The following DYNLL2 variants were observed in gnomAD, a reference collection of about 807,000 sequenced individuals.
The protein encoded by DYNLL2 is dynein light chain LC8-type 2, also known as dynein light chain 2, cytoplasmic.
Under a neutral mutation model 9.7 loss-of-function variants are expected in DYNLL2, and 1 was observed. The ratio of observed to expected loss-of-function variants is 0.10; its 90% CI spans 0.04 to 0.49. The LOEUF (loss-of-function observed/expected upper bound fraction) is 0.49. Ranked by LOEUF, DYNLL2 falls within the 20% of genes least tolerant of loss-of-function variation. The pLI, the probability that DYNLL2 is intolerant of heterozygous loss-of-function variation, is 0.95. For synonymous variants in DYNLL2, 35 were observed against 40.5 expected (o/e 0.86, Z 0.52); for missense variants, 37 against 115.2 (o/e 0.32, Z 3.11).
chr17:58,091,962 A>G lies in DYNLL2; in HGVS notation c.*2683A>G, dbSNP rs1223610314. 1 of 152,246 alleles carries G rather than the reference A, an allele frequency of 6.6e-6. No homozygotes were observed. Among genetic ancestry groups the G allele is most frequent in the African/African-American group, 2.4e-5 (1 of 41,460 alleles). 9.4% of individuals were successfully genotyped at this position (152,246 alleles called of 1,614,324 possible). A position where few individuals can be genotyped will look rare whatever the true frequency, so the allele number is the denominator to read the frequency against. ...TGAGACAAGTAAGTTCTAGGCTTCT[A>G]TGACATACACATTCTTATGTGTAGA... is the stretch of plus-strand genomic sequence containing the variant. On this transcript the variant is annotated 3_prime_UTR_variant, in exon 3 of 3. Coordinates refer to ENST00000579991, the MANE Select transcript of DYNLL2 (RefSeq NM_080677.3).
chr17:58,084,576 C>G (rs868682059), intron 1 of DYNLL2, among the ~76,000 whole-genome samples: 1 of 152,098 alleles, frequency 6.6e-6, no homozygotes, highest in African/African-American at 2.4e-5. Context: ...CTTTGCTTAC[C>G]GGCACCTTGG....
chr17:58,089,404 G>A lies in DYNLL2; in HGVS notation c.*125G>A. The A allele has an allele frequency of 7.9e-7, 1 of 1,263,600 alleles. No homozygotes were observed. The highest frequency in any genetic ancestry group is 1.5e-5 in the African/African-American group (1 of 66,464). 78.3% of individuals were successfully genotyped at this position (1,263,600 alleles called of 1,614,324 possible). ...CAATGGCTGTGCTACTGCATGGACT[G>A]TATACTCGATTTCATGTGTATGTCG... On this transcript the variant is annotated 3_prime_UTR_variant, in exon 3 of 3. Coordinates refer to ENST00000579991, the MANE Select transcript of DYNLL2 (RefSeq NM_080677.3).
chr17:58,093,882 A>G lies in DYNLL2; in HGVS notation c.*4603A>G, dbSNP rs780298804. 3.3e-5 allele frequency: 5 copies of G among 152,132 alleles called. No individual in the cohort carries two copies. The highest frequency in any genetic ancestry group is 7.2e-5 in the African/African-American group (3 of 41,396). The allele number at this position is 152,132 out of a possible 1,614,324, so 9.4% of individuals were successfully genotyped here. ...CCTGTTGCCTGTTGAGGTCAGGTGTACCTGTGTGTCTCTCTCTGTGATGTA... is the reference window on the plus strand; with the variant it reads ...CCTGTTGCCTGTTGAGGTCAGGTGTGCCTGTGTGTCTCTCTCTGTGATGTA... On this transcript the variant is annotated 3_prime_UTR_variant, in exon 3 of 3. Transcript: ENST00000579991.
intron 1 of DYNLL2, among the ~76,000 whole-genome samples, chr17:58,086,679 A>G (rs2075761111): frequency 6.6e-6 from 1 of 152,212 alleles, no homozygotes; most frequent in Non-Finnish European, 1.5e-5. Flanking sequence ...CACCTGGTTT[A>G]TTCTCAGGAC....
At position 58,089,493 on chromosome 17, in the gene DYNLL2, AT is replaced by A. The variant is rs1002012086; in HGVS notation, c.*219del. 2.0e-4 allele frequency: 108 copies of A among 540,712 alleles called. No individual in the cohort carries two copies. The highest frequency in any genetic ancestry group is 2.0e-3 in the African/African-American group (101 of 50,786). 33.5% of individuals were successfully genotyped at this position (540,712 alleles called of 1,614,324 possible). A position where few individuals can be genotyped will look rare whatever the true frequency, so the allele number is the denominator to read the frequency against. On this transcript the variant is annotated 3_prime_UTR_variant, in exon 3 of 3. Transcript: ENST00000579991. ...GGGGGAAGAAGGCTGCTTTATGTTT[AT>A]TTTTCAAGACTTTAAAAATATTTTT...
At chr17:58,087,283 C>A in intron 2 of DYNLL2, 61 bp downstream of exon 2, 1 of 1,598,848 alleles carries the variant, frequency 6.3e-7, no homozygotes, top group East Asian at 2.2e-5. Flanking sequence ...AGCTAACCTC[C>A]AGGGAGATCT....
At chr17:58,085,898 G>A (rs2080816138) in intron 1 of DYNLL2, among the ~76,000 whole-genome samples, 1 of 152,120 alleles carries the variant, frequency 6.6e-6, no homozygotes, top group African/African-American at 2.4e-5. Context: ...TCACCTAATA[G>A]GTCAGTACTT....
Position 58,092,938 on chromosome 17 carries a change from C to G in DYNLL2, c.*3659C>G, listed in dbSNP as rs529130516. 1 of 152,350 alleles carries G rather than the reference C, an allele frequency of 6.6e-6. No individual in the cohort carries two copies. Among genetic ancestry groups the G allele is most frequent in the African/African-American group, 2.4e-5 (1 of 41,578 alleles). 9.4% of individuals were successfully genotyped at this position (152,350 alleles called of 1,614,324 possible). A position where few individuals can be genotyped will look rare whatever the true frequency, so the allele number is the denominator to read the frequency against. ...TTCTGACATCCTGTGCAAGATAGCACCTCTCCCCCATCGCTGTTATCCTTA... is the reference window on the plus strand; with the variant it reads ...TTCTGACATCCTGTGCAAGATAGCAGCTCTCCCCCATCGCTGTTATCCTTA... On this transcript the variant is annotated 3_prime_UTR_variant, in exon 3 of 3. Transcript: ENST00000579991.
chr17:58,089,333 T>C lies in DYNLL2; in HGVS notation c.*54T>C. ...CGGCAGCGATGGCAAGCAGGCGGCG[T>C]TGCTGGGACTGTTTTGCACTGGAGC... On this transcript the variant is annotated 3_prime_UTR_variant, in exon 3 of 3. Transcript: ENST00000579991. 6.2e-7 allele frequency: 1 copy of C among 1,600,554 alleles called. No homozygotes were observed. The highest frequency in any genetic ancestry group is 8.5e-7 in the Non-Finnish European group (1 of 1,172,320).
At position 58,089,150 on chromosome 17, in the gene DYNLL2, C is replaced by T. The variant is rs2075771152; in HGVS notation, c.141C>T (p.Asp47=). The T allele has an allele frequency of 6.2e-7, 1 of 1,613,868 alleles. No homozygotes were observed. The highest frequency in any genetic ancestry group is 1.7e-5 in the Admixed American group (1 of 59,946). ...CCTTTGTTCTTTTTTAGGAATTTGA[C>T]AAGAAATATAACCCTACCTGGCATT... The part of the protein sequence containing the change: ...DIAAYIKKEF[D]KKYNPTWHCI... Residue 47 remains aspartate (D), a synonymous_variant, in exon 3 of 3, where the codon GAC becomes GAT. Transcript: ENST00000579991.
In DYNLL2 at chr17:58,094,651, T is replaced by C. The variant is rs2075791916; in HGVS notation, c.*5372T>C. Reference sequence around the variant, plus strand: ...CCCTGTACTTGGTGGTGGTATACAGTTCAGCAGTTTTTAGCATATACACGA... The same window carrying C: ...CCCTGTACTTGGTGGTGGTATACAGCTCAGCAGTTTTTAGCATATACACGA... On this transcript the variant is annotated 3_prime_UTR_variant, in exon 3 of 3. Coordinates refer to ENST00000579991, the MANE Select transcript of DYNLL2 (RefSeq NM_080677.3). 1 of 152,182 alleles carries C rather than the reference T, an allele frequency of 6.6e-6. No homozygotes were observed. 9.4% of individuals were successfully genotyped at this position (152,182 alleles called of 1,614,324 possible). A position where few individuals can be genotyped will look rare whatever the true frequency, so the allele number is the denominator to read the frequency against.
chr17:58,088,090 G>A (rs1300312166), intron 2 of DYNLL2, among the ~76,000 whole-genome samples: 1 of 19,890 alleles, frequency 5.0e-5, no homozygotes, highest in Non-Finnish European at 9.1e-5. Context: ...AGTCCTGAGG[G>A]ACTTTTTTGG....
chr17:58,089,351 A>G lies in DYNLL2; in HGVS notation c.*72A>G, dbSNP rs1598088939. 11 of 1,570,228 alleles carry G rather than the reference A, an allele frequency of 7.0e-6. No individual in the cohort carries two copies. In the East Asian group the frequency reaches 2.2e-4, roughly 32 times the overall value. On this transcript the variant is annotated 3_prime_UTR_variant, in exon 3 of 3. Transcript: ENST00000579991. The stretch of plus-strand genomic sequence containing the variant: ...GGCGGCGTTGCTGGGACTGTTTTGC[A>G]CTGGAGCCAGCATCAGGATGTCCTC...
At chr17:58,088,842 G>C (rs1237406355) in intron 2 of DYNLL2, among the ~76,000 whole-genome samples, 1 of 152,162 alleles carries the variant, frequency 6.6e-6, no homozygotes. Flanking sequence ...GGCTAGGGGT[G>C]GCGTGAGGGG....
Position 58,083,543 on chromosome 17 carries a change from C to T in DYNLL2, c.-150C>T, listed in dbSNP as rs2143588968. 6.5e-6 allele frequency: 1 copy of T among 153,568 alleles called. No homozygotes were observed. Among genetic ancestry groups the T allele is most frequent in the Non-Finnish European group, 1.5e-5 (1 of 68,862 alleles). 9.5% of individuals were successfully genotyped at this position (153,568 alleles called of 1,614,324 possible). A position where few individuals can be genotyped will look rare whatever the true frequency, so the allele number is the denominator to read the frequency against. On this transcript the variant is annotated 5_prime_UTR_variant, in exon 1 of 3. Transcript: ENST00000579991. ...CGGACCGCGGCAGGGAGCGATCGGCCTCGGGCTGCGGGAGCCGGAGACCGC... is the reference window on the plus strand; with the variant it reads ...CGGACCGCGGCAGGGAGCGATCGGCTTCGGGCTGCGGGAGCCGGAGACCGC...
In DYNLL2 at chr17:58,090,057, C is replaced by A; in HGVS notation, c.*778C>A. On this transcript the variant is annotated 3_prime_UTR_variant, in exon 3 of 3. Transcript: ENST00000579991. ...TCTTTTTTTTCTTTACATTTTTCTCCTGTCTGCTCCCTGCTTAGCCCTCAG... is the reference window on the plus strand; with the variant it reads ...TCTTTTTTTTCTTTACATTTTTCTCATGTCTGCTCCCTGCTTAGCCCTCAG... 2.5e-6 allele frequency: 1 copy of A among 395,968 alleles called. No individual in the cohort carries two copies. Among genetic ancestry groups the A allele is most frequent in the Admixed American group, 4.4e-5 (1 of 22,658 alleles). The allele number at this position is 395,968 out of a possible 1,614,324, so 24.5% of individuals were successfully genotyped here.
intron 1 of DYNLL2, among the ~76,000 whole-genome samples, chr17:58,086,254 T>G (rs1165081552): frequency 6.6e-6 from 1 of 152,194 alleles, no homozygotes; most frequent in African/African-American, 2.4e-5. Context: ...TTGGCAGCAT[T>G]TTTCTGTGAA....
chr17:58,087,246 A>G (rs753250561), intron 2 of DYNLL2, 24 bp downstream of exon 2: 3 of 1,611,600 alleles, frequency 1.9e-6, no homozygotes, highest in Non-Finnish European at 2.5e-6. Context: ...GCTGGGACTG[A>G]TGGCCAGGGG....
chr17:58,087,337 A>T (rs1341773808), intron 2 of DYNLL2, 115 bp downstream of exon 2: 30 of 1,417,432 alleles, frequency 2.1e-5, no homozygotes, highest in Non-Finnish European at 2.8e-5. Flanking sequence ...GTGCAAGCAA[A>T]ACCCTAGGAA....
Sources: allele counts gnomAD v4.1 joint callset (sites outside exome capture counted in the v4.1 genomes callset), GRCh38; gene constraint gnomAD v4.1.1; transcripts MANE v1.5; gene names NCBI Gene and HGNC (gene_info 2026-07-23, HGNC 2026-07-21).